The following TEK variants were observed in gnomAD, a reference collection of about 807,000 sequenced individuals.
TEK encodes angiopoietin-1 receptor.
TEK carries 43 observed loss-of-function variants against 131.8 expected under a neutral mutation model. The observed-to-expected ratio is 0.33, with a 90% CI of 0.26 to 0.42. The LOEUF is 0.42. Among genes scored for constraint, TEK ranks in the 10% least tolerant of loss-of-function variants. TEK has a pLI of 1.00. For missense variants in TEK, 1,162 were observed against 1,384.4 expected, an observed-to-expected ratio of 0.84 and a Z score of 2.55; for synonymous variants, 580 against 491.6, an observed-to-expected ratio of 1.18 and a Z score of -2.38.
At chr9:27,224,545 G>A (rs1287156985) in intron 21 of TEK, among the ~76,000 whole-genome samples, 7 of 151,988 alleles carry the variant, frequency 4.6e-5, no homozygotes, top group Admixed American at 1.3e-4. Flanking sequence ...AGCCTTCAAG[G>A]AAATTCAACA....
At chr9:27,200,017 T>C (rs867373973) in intron 12 of TEK, among the ~76,000 whole-genome samples, 2 of 152,210 alleles carry the variant, frequency 1.3e-5, no homozygotes, top group African/African-American at 2.4e-5. Context: ...GATATAAAAA[T>C]GTTATTTTGG....
Position 27,173,232 on chromosome 9 carries a change from G to A in TEK, c.771G>A (p.Leu257=), listed in dbSNP as rs771397652. ...CTTTTCCTCCCAAAGCTTGTGAACT[G>A]CACACGTTTGGCAGAACTTGTAAAG... ...MGRTCEKACE[L]HTFGRTCKER... is the part of the protein sequence containing the mutation. Residue 257 remains leucine, a synonymous_variant, in exon 6 of 23, where the codon CTG becomes CTA. Transcript: ENST00000380036. The A allele has an allele frequency of 5.6e-6, 9 of 1,613,892 alleles. No individual in the cohort carries two copies. Among genetic ancestry groups the A allele is most frequent in the Non-Finnish European group, 5.9e-6 (7 of 1,179,936 alleles).
At chr9:27,195,200 A>C (rs1290961370) in intron 11 of TEK, among the ~76,000 whole-genome samples, 1 of 152,164 alleles carries the variant, frequency 6.6e-6, no homozygotes, top group East Asian at 1.9e-4. Flanking sequence ...GACCTTTTGC[A>C]TAATGCCAAG....
intron 15 of TEK, among the ~76,000 whole-genome samples, chr9:27,208,338 C>T (rs1385892926): frequency 1.3e-5 from 2 of 150,328 alleles, no homozygotes; most frequent in Non-Finnish European, 3.0e-5. Context: ...TCCTTGCCAC[C>T]CAATGTGTGT....
In TEK at chr9:27,109,657, T is replaced by A; in HGVS notation, c.52+15T>A. The A allele has an allele frequency of 6.2e-7, 1 of 1,613,714 alleles. No homozygotes were observed. The highest frequency in any genetic ancestry group is 2.2e-5 in the East Asian group (1 of 44,882). On this transcript the variant is annotated intron_variant, in intron 1 of 22. Coordinates refer to ENST00000380036, the MANE Select transcript of TEK (RefSeq NM_000459.5). ...GCTCCTTTCTGGTAAGGTTTGGCTT[T>A]ATTTTTTTTAATTTAGTATTTTAAA...
At chr9:27,206,861 C>T in intron 15 of TEK, 69 bp downstream of exon 15, 1 of 1,540,392 alleles carries the variant, frequency 6.5e-7, no homozygotes, top group East Asian at 2.3e-5. Flanking sequence ...CCTGCTCATT[C>T]TTTCCTCTAT....
rs1482953420 is a variant in TEK at position 27,109,617 on chromosome 9, C to T, written c.27C>T (p.Leu9=). 2 of 1,614,138 alleles carry T rather than the reference C, an allele frequency of 1.2e-6. No homozygotes were observed. The highest frequency in any genetic ancestry group is 3.3e-5 in the Admixed American group (2 of 60,018). The change falls in exon 1 of 23, where the codon CTC becomes CTT. Residue 9 remains leucine, a synonymous_variant. Transcript: ENST00000380036. Reference sequence around the variant, plus strand: ...TGGACTCTTTAGCCAGCTTAGTTCTCTGTGGAGTCAGCTTGCTCCTTTCTG... The same window carrying T: ...TGGACTCTTTAGCCAGCTTAGTTCTTTGTGGAGTCAGCTTGCTCCTTTCTG... The part of the protein sequence containing the change: MDSLASLV[L]CGVSLLLSGT...
chr9:27,123,855 C>T (rs1821890577), intron 1 of TEK, among the ~76,000 whole-genome samples: 1 of 152,232 alleles, frequency 6.6e-6, no homozygotes, highest in Non-Finnish European at 1.5e-5. Flanking sequence ...CGGCTCACTG[C>T]AACCTCCGCC....
At chr9:27,142,639 C>T (rs1234417221) in intron 1 of TEK, among the ~76,000 whole-genome samples, 2 of 152,188 alleles carry the variant, frequency 1.3e-5, no homozygotes, top group Non-Finnish European at 2.9e-5. Context: ...CGTGTTTCTA[C>T]TGGGATGATC....
intron 21 of TEK, among the ~76,000 whole-genome samples, chr9:27,225,089 T>C (rs1010811324): frequency 1.1e-4 from 16 of 152,176 alleles, no homozygotes; most frequent in African/African-American, 3.6e-4. Context: ...TACAAACCAC[T>C]GCTCAAGGAA....
chr9:27,112,150 C>T (rs570665383), intron 1 of TEK, among the ~76,000 whole-genome samples: 4 of 152,270 alleles, frequency 2.6e-5, no homozygotes, highest in Non-Finnish European at 4.4e-5. Flanking sequence ...CCGCCCGCCT[C>T]GGCCTCCCAA....
At chr9:27,130,194 G>A (rs1285922996) in intron 1 of TEK, among the ~76,000 whole-genome samples, 1 of 152,138 alleles carries the variant, frequency 6.6e-6, no homozygotes, top group Non-Finnish European at 1.5e-5. Flanking sequence ...ACAGTTCCAG[G>A]AATTTGGATG....
In TEK at chr9:27,109,815, G is replaced by C. The variant is rs185873617; in HGVS notation, c.52+173G>C. ...TGTGTGGAAGGATTGAAATGCAAAG[G>C]CTCTGTGGCATGAACTGATTTTGCT... On this transcript the variant is annotated intron_variant, in intron 1 of 22. Coordinates refer to ENST00000380036, the MANE Select transcript of TEK (RefSeq NM_000459.5). 3.3e-4 allele frequency among the ~76,000 whole-genome samples: 51 copies of C among 152,242 alleles called. No individual in the cohort carries two copies. The East Asian group carries it at 9.3e-3, about 28-fold the overall frequency.
intron 1 of TEK, among the ~76,000 whole-genome samples, chr9:27,119,717 C>G (rs1056297620): frequency 6.6e-5 from 10 of 152,162 alleles, no homozygotes; most frequent in Non-Finnish European, 1.0e-4. Context: ...ATTTCTGGGT[C>G]GTGACTGATC....
At chr9:27,214,351 C>T (rs1044674353) in intron 18 of TEK, among the ~76,000 whole-genome samples, 28 of 152,192 alleles carry the variant, frequency 1.8e-4, no homozygotes, top group African/African-American at 6.5e-4. Flanking sequence ...GCAGCCTTTC[C>T]ATGTGTCTGG....
chr9:27,128,095 T>A (rs893131989), intron 1 of TEK, among the ~76,000 whole-genome samples: 3 of 152,178 alleles, frequency 2.0e-5, no homozygotes, highest in Non-Finnish European at 2.9e-5. Flanking sequence ...TCTTCTAGGG[T>A]TTTTATGGTT....
At chr9:27,207,297 G>A (rs1433176647) in intron 15 of TEK, among the ~76,000 whole-genome samples, 1 of 152,148 alleles carries the variant, frequency 6.6e-6, no homozygotes, top group Non-Finnish European at 1.5e-5. Flanking sequence ...ATAAGTTCCT[G>A]GGGACACTGT....
At chr9:27,162,092 T>G (rs1823567847) in intron 2 of TEK, among the ~76,000 whole-genome samples, 1 of 152,232 alleles carries the variant, frequency 6.6e-6, no homozygotes, top group African/African-American at 2.4e-5. Context: ...TTTTTCTTGC[T>G]GACCATCCAG....
At chr9:27,217,793 T>C (rs76026432) in intron 19 of TEK, 35 bp downstream of exon 19, 172 of 1,568,534 alleles carry the variant, frequency 1.1e-4, no homozygotes, top group Middle Eastern at 1.7e-4. Flanking sequence ...GGATTTTTTT[T>C]CCCTCCCAGA....
Sources: gnomAD v4.1 joint callset for allele counts (sites outside exome capture counted in the v4.1 genomes callset) on GRCh38, gnomAD v4.1.1 for gene constraint, MANE v1.5 for transcripts, NCBI Gene and HGNC (gene_info 2026-07-23, HGNC 2026-07-21) for gene names.